UNC5D: variants seen among roughly 807,000 people sequenced by gnomAD.
UNC5D encodes netrin receptor UNC5D.
UNC5D carries 39 observed loss-of-function variants against 105.4 expected under a neutral mutation model. The observed-to-expected ratio is 0.37, with a 90% CI of 0.29 to 0.48. UNC5D has a LOEUF of 0.48. Ranked by LOEUF, UNC5D falls within the 20% of genes least tolerant of loss-of-function variation. UNC5D has a pLI of 0.98. For synonymous variants in UNC5D, 452 were observed against 450.4 expected, an observed-to-expected ratio of 1.00 and a Z score of -0.04; for missense variants, 991 against 1,202.4, an observed-to-expected ratio of 0.82 and a Z score of 2.60.
At position 35,794,543 on chromosome 8, in the gene UNC5D, A is replaced by G. The variant is rs1803183340; in HGVS notation, c.*3980A>G. ...GTATTTGAAAATCGATGCTTTAGCC[A>G]AAAGCTGAATGACCACCGTTTCCGT... is the stretch of plus-strand genomic sequence containing the variant. On this transcript the variant is annotated 3_prime_UTR_variant, in exon 17 of 17. Coordinates refer to ENST00000404895, the MANE Select transcript of UNC5D (RefSeq NM_080872.4). 1 of 152,664 alleles carries G rather than the reference A, an allele frequency of 6.6e-6. No individual in the cohort carries two copies. The highest frequency in any genetic ancestry group is 1.5e-5 in the Non-Finnish European group (1 of 68,046). 9.5% of individuals were successfully genotyped at this position (152,664 alleles called of 1,614,324 possible). A position where few individuals can be genotyped will look rare whatever the true frequency, so the allele number is the denominator to read the frequency against.
chr8:35,377,870 G>A (rs1374946070), intron 1 of UNC5D, among the ~76,000 whole-genome samples: 4 of 152,212 alleles, frequency 2.6e-5, no homozygotes, highest in Non-Finnish European at 5.9e-5. Flanking sequence ...TAAGTCATCA[G>A]TCTGTGTTCT....
chr8:35,316,130 G>A (rs982110313), intron 1 of UNC5D, among the ~76,000 whole-genome samples: 1 of 152,180 alleles, frequency 6.6e-6, no homozygotes, highest in African/African-American at 2.4e-5. Flanking sequence ...CTGATCTAAG[G>A]TAGTGGCAGT....
At chr8:35,737,319 AT>A (rs1235436985) in intron 11 of UNC5D, among the ~76,000 whole-genome samples, 4 of 147,638 alleles carry the variant, frequency 2.7e-5, no homozygotes, top group Non-Finnish European at 5.9e-5. Flanking sequence ...TGATGAAGGA[AT>A]TGAAGATAAT....
intron 3 of UNC5D, 99 bp from the exon 4 acceptor site, chr8:35,595,455 C>G (rs1191175931): frequency 1.1e-6 from 1 of 903,702 alleles, no homozygotes; most frequent in Non-Finnish European, 1.8e-6. Context: ...GTGTGTGTGT[C>G]TAGGTTGTGA....
chr8:35,700,579 A>C (rs1017281255), intron 7 of UNC5D, among the ~76,000 whole-genome samples: 1 of 152,206 alleles, frequency 6.6e-6, no homozygotes, highest in Non-Finnish European at 1.5e-5. Flanking sequence ...TCAGAAATCC[A>C]TCTGTGCCAT....
rs375236787 is a variant in UNC5D at position 35,619,198 on chromosome 8, G to A, written c.570+23541G>A. 6.0e-4 allele frequency among the ~76,000 whole-genome samples: 92 copies of A among 152,248 alleles called. 3 individuals carry two copies. The South Asian group carries it at 0.011, about 19-fold the overall frequency. ...TAATCATAACAGCATTAATATAGAA[G>A]GGATTTGATAACTTCTGTTGGCCAG... On this transcript the variant is annotated intron_variant, in intron 4 of 16. Transcript: ENST00000404895.
chr8:35,562,698 C>G (rs1004539065), intron 2 of UNC5D, among the ~76,000 whole-genome samples: 2 of 151,998 alleles, frequency 1.3e-5, no homozygotes, highest in African/African-American at 4.8e-5. Context: ...TTGAACTCCT[C>G]ATATGTTCGG....
chr8:35,494,340 T>C (rs1208268344), intron 1 of UNC5D, among the ~76,000 whole-genome samples: 2 of 152,206 alleles, frequency 1.3e-5, no homozygotes, highest in African/African-American at 2.4e-5. Flanking sequence ...TGTTCTCTAA[T>C]AATATTTTAC....
At chr8:35,266,171 T>A (rs1462509530) in intron 1 of UNC5D, among the ~76,000 whole-genome samples, 1 of 152,184 alleles carries the variant, frequency 6.6e-6, no homozygotes, top group African/African-American at 2.4e-5. Context: ...TTTCACTAAA[T>A]TTGATGATAA....
chr8:35,551,182 A>G (rs956030479), intron 2 of UNC5D, among the ~76,000 whole-genome samples: 2 of 152,204 alleles, frequency 1.3e-5, no homozygotes, highest in Non-Finnish European at 2.9e-5. Context: ...AGACATGGAT[A>G]ATTCAGGTGA....
chr8:35,508,193 C>T (rs1812459139), intron 1 of UNC5D, among the ~76,000 whole-genome samples: 1 of 152,196 alleles, frequency 6.6e-6, no homozygotes, highest in African/African-American at 2.4e-5. Context: ...CCTCTAGGAA[C>T]TTCTTGGCAC....
At chr8:35,330,641 C>CATTT (rs1267638735) in intron 1 of UNC5D, among the ~76,000 whole-genome samples, 1 of 152,098 alleles carries the variant, frequency 6.6e-6, no homozygotes, top group East Asian at 1.9e-4. Context: ...AAACAAAATA[C>CATTT]ATTTAGGCTT....
chr8:35,425,371 C>T (rs1806174600), intron 1 of UNC5D, among the ~76,000 whole-genome samples: 2 of 152,082 alleles, frequency 1.3e-5, no homozygotes, highest in Non-Finnish European at 2.9e-5. Flanking sequence ...TGGCTAAAGA[C>T]ATTATTCTCT....
chr8:35,733,996 T>TC (rs565418724), intron 11 of UNC5D, among the ~76,000 whole-genome samples: 96 of 152,010 alleles, frequency 6.3e-4, no homozygotes, highest in African/African-American at 2.2e-3. Context: ...TTTTTTTTTT[T>TC]CCTCCTTTAA....
At chr8:35,341,557 C>T (rs116246899) in intron 1 of UNC5D, among the ~76,000 whole-genome samples, 7 of 151,146 alleles carry the variant, frequency 4.6e-5, no homozygotes, top group East Asian at 2.0e-4. Flanking sequence ...TGTTCTCTTT[C>T]GCCATTTTAA....
intron 4 of UNC5D, among the ~76,000 whole-genome samples, chr8:35,647,816 G>A (rs1379566464): frequency 4.6e-5 from 7 of 152,152 alleles, no homozygotes; most frequent in Non-Finnish European, 1.0e-4. Flanking sequence ...CTAGATGCAA[G>A]AAATTTGCTT....
chr8:35,630,534 C>G (rs572252837), intron 4 of UNC5D, among the ~76,000 whole-genome samples: 1 of 152,256 alleles, frequency 6.6e-6, no homozygotes, highest in Admixed American at 6.5e-5. Context: ...TGATTTCAAG[C>G]CAAGAATATT....
chr8:35,400,194 T>C (rs1328087957), intron 1 of UNC5D, among the ~76,000 whole-genome samples: 1 of 152,120 alleles, frequency 6.6e-6, no homozygotes, highest in Non-Finnish European at 1.5e-5. Context: ...AATACATGTC[T>C]TTGTAGTGTA....
At chr8:35,704,960 CTT>C (rs1001514087) in intron 7 of UNC5D, among the ~76,000 whole-genome samples, 3 of 115,580 alleles carry the variant, frequency 2.6e-5, no homozygotes, top group East Asian at 2.6e-4. Flanking sequence ...TGCTGAATGC[CTT>C]TTTTTTTTTT....
Sources: gnomAD v4.1 joint callset for allele counts (sites outside exome capture counted in the v4.1 genomes callset) on GRCh38, gnomAD v4.1.1 for gene constraint, MANE v1.5 for transcripts, NCBI Gene and HGNC (gene_info 2026-07-23, HGNC 2026-07-21) for gene names.